PKHD1: variants seen among roughly 807,000 people sequenced by gnomAD.
The protein encoded by PKHD1 is fibrocystin.
In PKHD1, 291 loss-of-function variants were observed where a neutral mutation model predicts 412.0. The ratio of observed to expected loss-of-function variants is 0.71; its 90% CI spans 0.64 to 0.78. The LOEUF (loss-of-function observed/expected upper bound fraction) is 0.78. PKHD1 is among the 30% of genes least tolerant of loss of function. The probability of loss-of-function intolerance (pLI) is 0.00; values close to 1 mark genes in which losing one functional copy is unlikely to be tolerated. For synonymous variants in PKHD1, 1,777 were observed against 1,821.5 expected, an observed-to-expected ratio of 0.98 and a Z score of 0.62; for missense variants, 4,825 against 4,950.7, an observed-to-expected ratio of 0.97 and a Z score of 0.76.
intron 41 of PKHD1, 131 bp downstream of exon 41, chr6:51,906,084 T>A: frequency 1.3e-6 from 1 of 764,032 alleles, no homozygotes; most frequent in Non-Finnish European, 2.3e-6. Context: ...AATGTTTTAC[T>A]GTAGCCCATT....
chr6:51,637,903 C>CA (rs1404621377), intron 64 of PKHD1, among the ~76,000 whole-genome samples: 3 of 148,980 alleles, frequency 2.0e-5, no homozygotes, highest in African/African-American at 4.9e-5. Flanking sequence ...GATTCCATCT[C>CA]AAAAAAACAA....
chr6:51,909,773 T>A (rs1251648291), intron 39 of PKHD1, among the ~76,000 whole-genome samples: 1 of 152,100 alleles, frequency 6.6e-6, no homozygotes, highest in Non-Finnish European at 1.5e-5. Context: ...AATAGATGCT[T>A]ATTTCAATCT....
rs1785554613 is a variant in PKHD1 at position 51,926,013 on chromosome 6, A to G, written c.6121+8097T>C. Among the ~76,000 whole-genome samples the G allele has an allele frequency of 2.0e-5, 3 of 151,870 alleles. No individual in the cohort carries two copies. In the South Asian group the frequency reaches 6.2e-4, roughly 31 times the overall value. The stretch of plus-strand genomic sequence containing the variant: ...AGTAAAGTGCTTGCCCTCATGATGT[A>G]TATATTCTTCTGGGAGAGGTAATAA... On this transcript the variant is annotated intron_variant, in intron 37 of 66. Transcript: ENST00000371117.
At chr6:51,807,953 G>A (rs1764102928) in intron 52 of PKHD1, among the ~76,000 whole-genome samples, 1 of 151,748 alleles carries the variant, frequency 6.6e-6, no homozygotes, top group Admixed American at 6.6e-5. Context: ...GGGGTATGGG[G>A]TTTCTTTGGG....
intron 60 of PKHD1, among the ~76,000 whole-genome samples, chr6:51,727,958 A>G (rs1202154028): frequency 6.6e-6 from 1 of 152,016 alleles, no homozygotes; most frequent in Non-Finnish European, 1.5e-5. Context: ...AACCTATAAC[A>G]CATCTATGTA....
chr6:52,055,466 G>T, intron 19 of PKHD1, 121 bp downstream of exon 19: 1 of 1,135,638 alleles, frequency 8.8e-7, no homozygotes, highest in Non-Finnish European at 1.3e-6. Context: ...ACCTCAGCCT[G>T]AAACACCTTG....
intron 27 of PKHD1, among the ~76,000 whole-genome samples, chr6:52,036,403 C>A (rs1324908635): frequency 1.3e-5 from 2 of 152,218 alleles, no homozygotes; most frequent in Non-Finnish European, 2.9e-5. Context: ...AGAGAGTTGG[C>A]TCCAGTTCTG....
At chr6:51,750,365 C>G (rs1039973871) in intron 57 of PKHD1, among the ~76,000 whole-genome samples, 1 of 152,248 alleles carries the variant, frequency 6.6e-6, no homozygotes, top group East Asian at 1.9e-4. Context: ...ACAAAGAACA[C>G]CAAATGCAAG....
intron 36 of PKHD1, among the ~76,000 whole-genome samples, chr6:51,950,447 G>A (rs1333740378): frequency 1.3e-5 from 2 of 151,940 alleles, no homozygotes; most frequent in African/African-American, 2.4e-5. Flanking sequence ...AGTTGGGCCA[G>A]GCTAATTGGC....
chr6:51,898,696 A>G (rs1780596587), intron 43 of PKHD1, among the ~76,000 whole-genome samples: 1 of 134,606 alleles, frequency 7.4e-6, no homozygotes, highest in Non-Finnish European at 1.6e-5. Context: ...GAGACACAAA[A>G]AACCCTTCAA....
intron 65 of PKHD1, among the ~76,000 whole-genome samples, chr6:51,629,386 A>T (rs1314671716): frequency 2.0e-5 from 3 of 151,784 alleles, no homozygotes; most frequent in South Asian, 2.1e-4. Context: ...AATCCCATTT[A>T]AAAAAAATGG....
intron 42 of PKHD1, 125 bp downstream of exon 42, chr6:51,903,853 ATATATATT>A (rs1364839458): frequency 1.5e-4 from 60 of 408,392 alleles, no homozygotes; most frequent in African/African-American, 1.2e-3. Flanking sequence ...ATATATATAT[ATATATATT>A]TAGAAAATAT....
Position 51,934,323 on chromosome 6 carries a change from C to G in PKHD1, c.5909-1G>C. 6.2e-7 allele frequency: 1 copy of G among 1,607,104 alleles called. No homozygotes were observed. The highest frequency in any genetic ancestry group is 8.5e-7 in the Non-Finnish European group (1 of 1,175,138). ...GGGGCCATGAAAATCAGCTTGCCCCCTAATGGACAAAGGGAAAATTGTCAG... is the reference window on the plus strand; with the variant it reads ...GGGGCCATGAAAATCAGCTTGCCCCGTAATGGACAAAGGGAAAATTGTCAG... On this transcript the variant is annotated splice_acceptor_variant, in intron 36 of 66. Coordinates refer to ENST00000371117, the MANE Select transcript of PKHD1 (RefSeq NM_138694.4). LOFTEE classifies it high-confidence loss of function.
intron 52 of PKHD1, among the ~76,000 whole-genome samples, chr6:51,804,001 T>C (rs927460467): frequency 7.9e-5 from 12 of 151,390 alleles, no homozygotes; most frequent in Non-Finnish European, 1.6e-4. Flanking sequence ...AGCCACCAGG[T>C]AATGAAATTG....
chr6:51,739,292 G>A (rs934394869), intron 60 of PKHD1, among the ~76,000 whole-genome samples: 1 of 151,724 alleles, frequency 6.6e-6, no homozygotes, highest in African/African-American at 2.4e-5. Context: ...GTGCAGTGGC[G>A]TCATCTTGGC....
chr6:52,026,887 C>T (rs1008002386), intron 31 of PKHD1, among the ~76,000 whole-genome samples: 13 of 152,230 alleles, frequency 8.5e-5, no homozygotes, highest in African/African-American at 1.4e-4. Context: ...AACTGTACAA[C>T]GTGGCTTTTA....
At chr6:51,625,556 C>G (rs1767119904) in intron 66 of PKHD1, among the ~76,000 whole-genome samples, 1 of 152,166 alleles carries the variant, frequency 6.6e-6, no homozygotes, top group African/African-American at 2.4e-5. Context: ...ATGCTCCCCT[C>G]TCTTCAATCT....
At chr6:51,990,662 A>T (rs1309085949) in intron 35 of PKHD1, among the ~76,000 whole-genome samples, 2 of 152,216 alleles carry the variant, frequency 1.3e-5, no homozygotes, top group Non-Finnish European at 2.9e-5. Context: ...ATTTCACTGG[A>T]TATGAGATTT....
intron 35 of PKHD1, among the ~76,000 whole-genome samples, chr6:51,963,769 A>G (rs1792412362): frequency 6.6e-6 from 1 of 152,170 alleles, no homozygotes; most frequent in South Asian, 2.1e-4. Flanking sequence ...TTTTGTGAAT[A>G]TATTTGAGAA....
Sources: allele counts gnomAD v4.1 joint callset (sites outside exome capture counted in the v4.1 genomes callset), GRCh38; gene constraint gnomAD v4.1.1; transcripts MANE v1.5; gene names NCBI Gene and HGNC (gene_info 2026-07-23, HGNC 2026-07-21).